RABEP1: variants seen among roughly 807,000 people sequenced by gnomAD.
RABEP1 encodes the protein rabaptin, RAB GTPase binding effector protein 1.
Under a neutral mutation model 123.4 loss-of-function variants are expected in RABEP1, and 51 were observed. That is an observed-to-expected ratio of 0.41 (90% CI 0.33 to 0.52). RABEP1 has a LOEUF of 0.52. RABEP1 is among the 20% of genes least tolerant of loss of function. RABEP1 has a pLI of 0.16. For missense variants in RABEP1, 888 were observed against 996.3 expected, an observed-to-expected ratio of 0.89 and a Z score of 1.46; for synonymous variants, 347 against 355.2, an observed-to-expected ratio of 0.98 and a Z score of 0.26.
At chr17:5,371,821 TTTAC>T (rs1910550740) in intron 12 of RABEP1, among the ~76,000 whole-genome samples, 1 of 152,156 alleles carries the variant, frequency 6.6e-6, no homozygotes, top group Non-Finnish European at 1.5e-5. Context: ...TAGTTTTTGG[TTTAC>T]TTGTCTTTCT....
chr17:5,360,895 G>C (rs760277382), intron 8 of RABEP1: 5 of 289,652 alleles, frequency 1.7e-5, no homozygotes, highest in Non-Finnish European at 3.3e-5. Flanking sequence ...TGAGCTACCA[G>C]AGCATTCAGC....
intron 1 of RABEP1, among the ~76,000 whole-genome samples, chr17:5,305,532 A>G (rs2075172229): frequency 6.6e-6 from 1 of 152,092 alleles, no homozygotes; most frequent in African/African-American, 2.4e-5. Context: ...GTTGAGGGGT[A>G]TGGGTGTTTC....
At chr17:5,324,693 G>A (rs1358252156) in intron 2 of RABEP1, among the ~76,000 whole-genome samples, 1 of 152,172 alleles carries the variant, frequency 6.6e-6, no homozygotes, top group Admixed American at 6.5e-5. Flanking sequence ...TAACTACAAT[G>A]TATGAAGAAG....
chr17:5,330,916 C>A (rs961189920), intron 2 of RABEP1, among the ~76,000 whole-genome samples: 3 of 151,250 alleles, frequency 2.0e-5, no homozygotes, highest in Admixed American at 1.3e-4. Context: ...CCTAGCTACT[C>A]AGGAGGCTGA....
At chr17:5,370,834 T>C (rs894939712) in intron 12 of RABEP1, among the ~76,000 whole-genome samples, 2 of 152,172 alleles carry the variant, frequency 1.3e-5, no homozygotes, top group South Asian at 2.1e-4. Flanking sequence ...AAGGCCAACA[T>C]TTCTTTGTAG....
At chr17:5,290,150 C>A (rs150951321) in intron 1 of RABEP1, among the ~76,000 whole-genome samples, 2 of 152,152 alleles carry the variant, frequency 1.3e-5, no homozygotes, top group African/African-American at 4.8e-5. Flanking sequence ...TGCAGTGGCA[C>A]GATCTCAGCT....
At chr17:5,357,432 C>T (rs1016599826) in intron 8 of RABEP1, among the ~76,000 whole-genome samples, 2 of 151,960 alleles carry the variant, frequency 1.3e-5, no homozygotes, top group African/African-American at 2.4e-5. Flanking sequence ...AGTGCTATGG[C>T]GTGATCTTGG....
intron 9 of RABEP1, 122 bp downstream of exon 9, chr17:5,361,797 G>T: frequency 1.2e-6 from 1 of 803,220 alleles, no homozygotes; most frequent in Non-Finnish European, 1.9e-6. Flanking sequence ...TTGCCAGCAA[G>T]TGGATATTAA....
At chr17:5,337,406 C>T (rs769033155) in intron 4 of RABEP1, among the ~76,000 whole-genome samples, 10 of 152,228 alleles carry the variant, frequency 6.6e-5, no homozygotes, top group Non-Finnish European at 1.5e-4. Context: ...TTATTATGGG[C>T]TGGGCGCGGT....
intron 6 of RABEP1, 55 bp from the exon 7 acceptor site, chr17:5,350,396 T>C: frequency 6.4e-7 from 1 of 1,554,544 alleles, no homozygotes; most frequent in Non-Finnish European, 8.7e-7. Context: ...AAAAAGAAAT[T>C]GCCTACCATT....
intron 8 of RABEP1, 131 bp from the exon 9 acceptor site, chr17:5,361,077 C>T: frequency 2.5e-6 from 2 of 803,596 alleles, no homozygotes; most frequent in South Asian, 3.7e-5. Flanking sequence ...AGTGTTTGTT[C>T]AATGAGTCTG....
Position 5,346,889 on chromosome 17 carries a change from G to A in RABEP1, c.748G>A (p.Glu250Lys). The change falls in exon 6 of 18, where the codon GAA becomes AAA. Residue 250 changes from glutamate to lysine, a missense_variant. Physicochemically the swap from Glu to Lys is moderately conservative, Grantham distance 56. Transcript: ENST00000537505. The part of the protein sequence containing the change: ...VLNTQKSVLQ[E>K]DAEKLRKELH... ...GAATACTCAGAAATCTGTTCTACAGGAAGATGCTGAGAAACTGCGGAAAGA... is the reference window on the plus strand; with the variant it reads ...GAATACTCAGAAATCTGTTCTACAGAAAGATGCTGAGAAACTGCGGAAAGA... The A allele has an allele frequency of 6.2e-7, 1 of 1,605,974 alleles. No homozygotes were observed.
At chr17:5,322,623 C>A (rs902419028) in intron 2 of RABEP1, among the ~76,000 whole-genome samples, 4 of 151,928 alleles carry the variant, frequency 2.6e-5, no homozygotes, top group Admixed American at 2.0e-4. Context: ...ACAGTAGATA[C>A]GGAAATCCTT....
At chr17:5,325,614 A>G (rs1254722251) in intron 2 of RABEP1, among the ~76,000 whole-genome samples, 3 of 152,086 alleles carry the variant, frequency 2.0e-5, no homozygotes, top group East Asian at 1.9e-4. Context: ...AAACAGATCA[A>G]TAGGGTGACT....
chr17:5,371,037 G>T (rs936432576), intron 12 of RABEP1, among the ~76,000 whole-genome samples: 3 of 151,898 alleles, frequency 2.0e-5, no homozygotes, highest in African/African-American at 7.3e-5. Flanking sequence ...CGCGATCTCG[G>T]CTCACTGCAA....
At chr17:5,283,758 GCT>G (rs750815372) in intron 1 of RABEP1, 2 of 152,186 alleles carry the variant, frequency 1.3e-5, no homozygotes, top group East Asian at 3.8e-4. Context: ...GGTTCTGGCT[GCT>G]CTCTGGGAAA....
chr17:5,347,039 A>G (rs920410212), intron 6 of RABEP1, 114 bp downstream of exon 6: 17 of 927,416 alleles, frequency 1.8e-5, no homozygotes, highest in African/African-American at 1.2e-4. Flanking sequence ...TAGTGATTCA[A>G]TTTAAGCCTT....
intron 6 of RABEP1, among the ~76,000 whole-genome samples, chr17:5,349,116 T>C (rs1476568545): frequency 6.6e-6 from 1 of 152,188 alleles, no homozygotes; most frequent in Non-Finnish European, 1.5e-5. Context: ...TTCTGGACTT[T>C]GATGTGAATG....
intron 3 of RABEP1, among the ~76,000 whole-genome samples, chr17:5,334,758 T>C (rs1298404445): frequency 1.3e-5 from 2 of 152,234 alleles, no homozygotes; most frequent in East Asian, 3.8e-4. Context: ...TGGTAAACTA[T>C]TCCAGAAATA....
Sources: gnomAD v4.1 joint callset for allele counts (sites outside exome capture counted in the v4.1 genomes callset) on GRCh38, gnomAD v4.1.1 for gene constraint, MANE v1.5 for transcripts, NCBI Gene and HGNC (gene_info 2026-07-23, HGNC 2026-07-21) for gene names.